Variants in PTRH2 observed in about 807,000 individuals in gnomAD.
The protein encoded by PTRH2 is peptidyl-tRNA hydrolase 2, also known as peptidyl-tRNA hydrolase 2, mitochondrial.
In PTRH2, 10 loss-of-function variants were observed where a neutral mutation model predicts 12.3. The ratio of observed to expected loss-of-function variants is 0.81; its 90% confidence interval spans 0.50 to 1.38. The LOEUF is 1.38. PTRH2 is among the 40% of genes most tolerant of loss of function. The pLI, the probability that PTRH2 is intolerant of heterozygous loss-of-function variation, is 0.00. For synonymous variants in PTRH2, 73 were observed against 77.4 expected (o/e 0.94, Z 0.30); for missense variants, 176 against 214.1 (o/e 0.82, Z 1.11).
chr17:59,705,697 G>A (rs933263086), intron 1 of PTRH2, among the ~76,000 whole-genome samples: 22 of 152,032 alleles, frequency 1.4e-4, no homozygotes, highest in African/African-American at 5.3e-4. Context: ...GCAGCATCTC[G>A]AGTCCAGTTC....
At chr17:59,700,818 A>G (rs188415910) in intron 1 of PTRH2, 115 of 152,330 alleles carry the variant, frequency 7.5e-4, no homozygotes, top group African/African-American at 2.4e-3. Context: ...ACCTTTCCCA[A>G]TTTCAGTTTT....
At position 59,697,841 on chromosome 17, in the gene PTRH2, G is replaced by C; in HGVS notation, c.138C>G (p.Ser46Arg). The C allele has an allele frequency of 6.2e-7, 1 of 1,614,128 alleles. No individual in the cohort carries two copies. ...CACTTTCAGTATCTGTGTGTGTCTT[G>C]CTCGTCTTGCTTTTGGGGAGCATCC... ...CFGMLPKSKT[S>R]KTHTDTESEA... Residue 46 changes from serine (S) to arginine (R), a missense_variant, in exon 2 of 2, where the codon AGC (serine) becomes AGG (arginine). By Grantham distance (110) the Ser-to-Arg change is moderately radical. Coordinates refer to ENST00000393038, the MANE Select transcript of PTRH2 (RefSeq NM_016077.5).
intron 1 of PTRH2, among the ~76,000 whole-genome samples, chr17:59,704,121 T>A (rs1252887326): frequency 6.6e-6 from 1 of 152,212 alleles, no homozygotes; most frequent in Admixed American, 6.5e-5. Flanking sequence ...CCCTTGTTCT[T>A]AACATTACTA....
chr17:59,703,499 A>G (rs2143648749), intron 1 of PTRH2, among the ~76,000 whole-genome samples: 1 of 152,212 alleles, frequency 6.6e-6, no homozygotes, highest in African/African-American at 2.4e-5. Context: ...CTTAATCCAG[A>G]GCCCTTGTTC....
intron 1 of PTRH2, 117 bp from the exon 2 acceptor site, chr17:59,698,095 C>T: frequency 9.5e-7 from 1 of 1,056,932 alleles, no homozygotes; most frequent in Admixed American, 2.6e-5. Flanking sequence ...AAAGGCAAAA[C>T]ACACCTTTGA....
chr17:59,705,130 A>G (rs958662484), intron 1 of PTRH2, among the ~76,000 whole-genome samples: 1 of 152,170 alleles, frequency 6.6e-6, no homozygotes, highest in Non-Finnish European at 1.5e-5. Context: ...CTTTTCTTTG[A>G]TAATCTAACA....
chr17:59,697,310 A>G lies in PTRH2; in HGVS notation c.*129T>C, dbSNP rs2033454624. 8.8e-7 allele frequency: 1 copy of G among 1,133,626 alleles called. No individual in the cohort carries two copies. Among genetic ancestry groups the G allele is most frequent in the Non-Finnish European group, 1.2e-6 (1 of 811,784 alleles). 70.2% of individuals were successfully genotyped at this position (1,133,626 alleles called of 1,614,324 possible). On this transcript the variant is annotated 3_prime_UTR_variant, in exon 2 of 2. Transcript: ENST00000393038. ...CAAGATGACAACTGCCAACCATAGA[A>G]CATGGGAATAGGTTTTATTTTCATC...
intron 1 of PTRH2, among the ~76,000 whole-genome samples, chr17:59,701,721 T>C (rs1375012267): frequency 6.6e-6 from 1 of 152,176 alleles, no homozygotes; most frequent in Admixed American, 6.5e-5. Flanking sequence ...TGTTTGTCTA[T>C]TTGAGATGGA....
At position 59,698,823 on chromosome 17, in the gene PTRH2, AT is replaced by A. The variant is rs1598257278; in HGVS notation, c.1-846del. ...ATAATAGTGTTGAATATCTCCTGTAATTTATTGAATACTGTAAGTGGAAAAC... is the reference window on the plus strand; with the variant it reads ...ATAATAGTGTTGAATATCTCCTGTAATTATTGAATACTGTAAGTGGAAAAC... On this transcript the variant is annotated intron_variant, in intron 1 of 1. Transcript: ENST00000393038. The A allele has an allele frequency of 1.7e-5, 12 of 709,048 alleles. No individual in the cohort carries two copies. The East Asian group carries it at 3.2e-4, about 19-fold the overall frequency. 43.9% of individuals were successfully genotyped at this position (709,048 alleles called of 1,614,324 possible). A position where few individuals can be genotyped will look rare whatever the true frequency, so the allele number is the denominator to read the frequency against.
intron 1 of PTRH2, among the ~76,000 whole-genome samples, chr17:59,706,785 T>C (rs1357662706): frequency 2.0e-5 from 3 of 151,928 alleles, no homozygotes; most frequent in African/African-American, 7.3e-5. Flanking sequence ...GTCATTCTCC[T>C]GCCTCAGCCT....
chr17:59,697,845 G>A lies in PTRH2; in HGVS notation c.134C>T (p.Thr45Met). The A allele has an allele frequency of 4.3e-6, 7 of 1,614,090 alleles. No individual in the cohort carries two copies. The highest frequency in any genetic ancestry group is 2.2e-5 in the East Asian group (1 of 44,886). Reference sequence around the variant, plus strand: ...TTCAGTATCTGTGTGTGTCTTGCTCGTCTTGCTTTTGGGGAGCATCCCAAA... The same window carrying A: ...TTCAGTATCTGTGTGTGTCTTGCTCATCTTGCTTTTGGGGAGCATCCCAAA... ...VCFGMLPKSKTSKTHTDTESE... is the reference protein window; with the variant it reads ...VCFGMLPKSKMSKTHTDTESE... Residue 45 changes from threonine (T) to methionine (M), a missense_variant, in exon 2 of 2, where the codon ACG becomes ATG. Coordinates refer to ENST00000393038, the MANE Select transcript of PTRH2 (RefSeq NM_016077.5).
At chr17:59,701,533 C>T (rs940593869) in intron 1 of PTRH2, 2 of 152,148 alleles carry the variant, frequency 1.3e-5, no homozygotes, top group African/African-American at 4.8e-5. Flanking sequence ...TATACTGCTT[C>T]CCTTCCACAA....
rs554980513 is a variant in PTRH2, at chr17:59,705,542, T to A, written c.-1+1829A>T. ...TTAAGCAATTCTCCTACCTCAGCCT[T>A]CCAAGTAGATGGGACTACAGGTGCA... On this transcript the variant is annotated intron_variant, in intron 1 of 1. Coordinates refer to ENST00000393038, the MANE Select transcript of PTRH2 (RefSeq NM_016077.5). Among the ~76,000 whole-genome samples the A allele has an allele frequency of 7.9e-5, 12 of 152,150 alleles. No homozygotes were observed. In the East Asian group the frequency reaches 2.1e-3, roughly 27 times the overall value.
rs970302593 is a variant in PTRH2, at chr17:59,704,757, G to A, written c.-1+2614C>T. Among the ~76,000 whole-genome samples, 3 of 152,118 alleles carry A rather than the reference G, an allele frequency of 2.0e-5. No homozygotes were observed. In the East Asian group the frequency reaches 5.8e-4, roughly 29 times the overall value. ...TATTTATGGTTCTAGTGCCTTTACA[G>A]CCCCCACCCCCTAAAAGAGACAAAG... On this transcript the variant is annotated intron_variant, in intron 1 of 1. Transcript: ENST00000393038.
intron 1 of PTRH2, among the ~76,000 whole-genome samples, chr17:59,705,016 G>C (rs1042013701): frequency 6.6e-6 from 1 of 152,192 alleles, no homozygotes; most frequent in African/African-American, 2.4e-5. Context: ...TCGAACTCCT[G>C]ACCTCAAGTG....
intron 1 of PTRH2, 39 bp from the exon 2 acceptor site, chr17:59,698,017 A>C: frequency 6.3e-7 from 1 of 1,578,142 alleles, no homozygotes; most frequent in Non-Finnish European, 8.6e-7. Context: ...ATCCGGCAGT[A>C]ACAACTTACA....
rs1379511787 is a variant in PTRH2, at chr17:59,707,384, T to G, written c.-14A>C. 5 of 152,842 alleles carry G rather than the reference T, an allele frequency of 3.3e-5. No individual in the cohort carries two copies. The highest frequency in any genetic ancestry group is 1.2e-4 in the African/African-American group (5 of 41,578). 9.5% of individuals were successfully genotyped at this position (152,842 alleles called of 1,614,324 possible). ...CAACCAACCTACCTACAGTACCTCC[T>G]TTCCTCACTCGCGCCTTCCCTTCTT... On this transcript the variant is annotated 5_prime_UTR_variant, in exon 1 of 2. Coordinates refer to ENST00000393038, the MANE Select transcript of PTRH2 (RefSeq NM_016077.5).
chr17:59,698,752 C>A (rs565231149), intron 1 of PTRH2: 1 of 644,354 alleles, frequency 1.6e-6, no homozygotes, highest in East Asian at 2.8e-5. Context: ...AGAACACTTA[C>A]ATTAGCCTAC....
intron 1 of PTRH2, among the ~76,000 whole-genome samples, chr17:59,702,611 T>C (rs1409103891): frequency 1.3e-5 from 2 of 152,234 alleles, no homozygotes; most frequent in African/African-American, 4.8e-5. Context: ...AGGGAGATCA[T>C]TTCAGAGGCT....
Sources: gnomAD v4.1 joint callset for allele counts (sites outside exome capture counted in the v4.1 genomes callset) on GRCh38, gnomAD v4.1.1 for gene constraint, MANE v1.5 for transcripts, NCBI Gene and HGNC (gene_info 2026-07-23, HGNC 2026-07-21) for gene names.